The following PPARGC1A variants were observed in gnomAD, a reference collection of about 807,000 sequenced individuals.
PPARGC1A encodes the protein PPARG coactivator 1 alpha.
In PPARGC1A, 25 loss-of-function variants were observed where a neutral mutation model predicts 88.7. That is an observed-to-expected ratio of 0.28 (90% CI 0.21 to 0.39). The LOEUF is 0.39. Among genes scored for constraint, PPARGC1A ranks in the 10% least tolerant of loss-of-function variants. The pLI is 1.00. For synonymous variants in PPARGC1A, 363 were observed against 355.6 expected, an observed-to-expected ratio of 1.02 and a Z score of -0.24; for missense variants, 880 against 968.7, an observed-to-expected ratio of 0.91 and a Z score of 1.22.
the PPARGC1A span, among the ~76,000 whole-genome samples, chr4:24,229,152 C>CTTGTTTTTTTTTTTTT: frequency 1.6e-5 from 1 of 60,894 alleles, no homozygotes; most frequent in African/African-American, 5.9e-5. Flanking sequence ...GTATCTGGAC[C>CTTGTTTTTTTTTTTTT]TTTTTTTTTT....
chr4:23,811,782 T>G (rs1720932715), intron 10 of PPARGC1A, among the ~76,000 whole-genome samples: 1 of 151,746 alleles, frequency 6.6e-6, no homozygotes, highest in African/African-American at 2.4e-5. Context: ...TAATACCCCC[T>G]GGTAAGTGGT....
At chr4:23,849,477 T>C (rs943152085) in intron 2 of PPARGC1A, among the ~76,000 whole-genome samples, 1 of 152,100 alleles carries the variant, frequency 6.6e-6, no homozygotes, top group African/African-American at 2.4e-5. Flanking sequence ...TGCCTTCAAT[T>C]TGGAATAGCT....
chr4:24,345,630 T>C, the PPARGC1A span, among the ~76,000 whole-genome samples: 1 of 152,214 alleles, frequency 6.6e-6, no homozygotes, highest in Non-Finnish European at 1.5e-5. Flanking sequence ...ACATTAATCT[T>C]GTATCCGGAA....
chr4:24,445,388 A>G, the PPARGC1A span, among the ~76,000 whole-genome samples: 1 of 152,208 alleles, frequency 6.6e-6, no homozygotes, highest in African/African-American at 2.4e-5. Flanking sequence ...TACAAAATCG[A>G]TATCTTGACA....
intron 2 of PPARGC1A, among the ~76,000 whole-genome samples, chr4:23,861,189 C>T (rs539250292): frequency 6.6e-6 from 1 of 152,278 alleles, no homozygotes; most frequent in Admixed American, 6.5e-5. Flanking sequence ...GTAAACATAA[C>T]TAGAAATGCA....
the PPARGC1A span, among the ~76,000 whole-genome samples, chr4:23,959,927 C>A: frequency 6.6e-6 from 1 of 152,094 alleles, no homozygotes; most frequent in Admixed American, 6.6e-5. Context: ...AGAGGGGAAA[C>A]CTTGAGTCTG....
the PPARGC1A span, among the ~76,000 whole-genome samples, chr4:24,275,818 C>A: frequency 6.6e-6 from 1 of 152,232 alleles, no homozygotes; most frequent in East Asian, 1.9e-4. Flanking sequence ...TATAAGCATG[C>A]ACTGCCAATA....
the PPARGC1A span, among the ~76,000 whole-genome samples, chr4:24,319,161 C>T: frequency 5.3e-5 from 8 of 152,062 alleles, no homozygotes; most frequent in Non-Finnish European, 1.2e-4. Flanking sequence ...GCCTGGGCAC[C>T]ATAGCAAGAC....
chr4:23,910,331 A>T, the PPARGC1A span, among the ~76,000 whole-genome samples: 1 of 61,724 alleles, frequency 1.6e-5, no homozygotes. Context: ...TATATTATAT[A>T]TTATATATAT....
the PPARGC1A span, among the ~76,000 whole-genome samples, chr4:24,442,607 C>T: frequency 1.3e-5 from 2 of 152,142 alleles, no homozygotes; most frequent in Non-Finnish European, 2.9e-5. Flanking sequence ...GGTGATAATT[C>T]GGCCTTCCTG....
chr4:24,124,166 A>G, the PPARGC1A span, among the ~76,000 whole-genome samples: 2 of 152,134 alleles, frequency 1.3e-5, no homozygotes. Context: ...ATGCTAACCC[A>G]TAACCCCATA....
the PPARGC1A span, among the ~76,000 whole-genome samples, chr4:24,042,772 C>CT: frequency 2.0e-5 from 3 of 152,046 alleles, no homozygotes; most frequent in Middle Eastern, 3.4e-3. Flanking sequence ...CATATGTGCC[C>CT]TATGGGTATA....
At chr4:23,979,767 G>A in the PPARGC1A span, among the ~76,000 whole-genome samples, 22 of 152,230 alleles carry the variant, frequency 1.4e-4, no homozygotes, top group African/African-American at 5.3e-4. Context: ...GTTTTGCTTC[G>A]CCTCTATTCA....
the PPARGC1A span, among the ~76,000 whole-genome samples, chr4:24,135,709 G>A: frequency 6.6e-6 from 1 of 152,160 alleles, no homozygotes; most frequent in African/African-American, 2.4e-5. Context: ...ACTGAAAAAT[G>A]TCTCATTCCG....
At chr4:23,887,347 G>A (rs554865531) in intron 1 of PPARGC1A, among the ~76,000 whole-genome samples, 2 of 152,188 alleles carry the variant, frequency 1.3e-5, no homozygotes, top group African/African-American at 2.4e-5. Flanking sequence ...GGTAGCAAGT[G>A]TTCCTGTTAT....
chr4:23,946,090 C>A, the PPARGC1A span, among the ~76,000 whole-genome samples: 1 of 152,114 alleles, frequency 6.6e-6, no homozygotes, highest in Admixed American at 6.5e-5. Context: ...TGGTCCCAGA[C>A]AGAGTAGGGG....
chr4:24,117,782 C>T, the PPARGC1A span, among the ~76,000 whole-genome samples: 2 of 151,958 alleles, frequency 1.3e-5, no homozygotes, highest in African/African-American at 4.8e-5. Context: ...TAATTAGTAA[C>T]TAGGAAGATC....
At chr4:23,909,360 T>C in the PPARGC1A span, among the ~76,000 whole-genome samples, 2 of 152,318 alleles carry the variant, frequency 1.3e-5, no homozygotes, top group African/African-American at 4.8e-5. Context: ...GGCTTGTGCA[T>C]TGCTGGATGC....
intron 3 of PPARGC1A, among the ~76,000 whole-genome samples, chr4:23,830,553 G>A (rs1001271037): frequency 7.2e-5 from 11 of 152,216 alleles, no homozygotes; most frequent in African/African-American, 2.4e-4. Context: ...TTCTCCATAT[G>A]AGAAACCTCA....
Sources: allele counts gnomAD v4.1 joint callset (sites outside exome capture counted in the v4.1 genomes callset), GRCh38; gene constraint gnomAD v4.1.1; transcripts MANE v1.5; gene names NCBI Gene and HGNC (gene_info 2026-07-23, HGNC 2026-07-21).